ZNF675: variants seen among roughly 807,000 people sequenced by gnomAD.
ZNF675 encodes zinc finger protein 675, also known as TRAF6 inhibitory zinc finger.
In ZNF675, 36 loss-of-function variants were observed where a neutral mutation model predicts 56.1. The observed-to-expected ratio is 0.64, with a 90% confidence interval of 0.49 to 0.85. The LOEUF is 0.85. Ranked by LOEUF, ZNF675 falls within the 40% of genes least tolerant of loss-of-function variation. The probability of loss-of-function intolerance (pLI) is 0.00; values close to 1 mark genes in which losing one functional copy is unlikely to be tolerated. For missense variants in ZNF675, 663 were observed against 654.2 expected, an observed-to-expected ratio of 1.01 and a Z score of -0.15; for synonymous variants, 200 against 218.9, an observed-to-expected ratio of 0.91 and a Z score of 0.76.
intron 1 of ZNF675, among the ~76,000 whole-genome samples, chr19:23,678,502 C>A (rs558822748): frequency 4.1e-5 from 6 of 147,656 alleles, no homozygotes; most frequent in Admixed American, 3.3e-4. Flanking sequence ...CCACCCACCT[C>A]GGCCTCCCAA....
intron 1 of ZNF675, among the ~76,000 whole-genome samples, chr19:23,674,370 A>G (rs1454337085): frequency 1.3e-5 from 2 of 151,588 alleles, no homozygotes; most frequent in Admixed American, 6.6e-5. Flanking sequence ...GGCAGGCCAC[A>G]GGGGCTCAAC....
At chr19:23,674,381 G>A (rs1478191805) in intron 1 of ZNF675, among the ~76,000 whole-genome samples, 3 of 151,598 alleles carry the variant, frequency 2.0e-5, no homozygotes, top group Non-Finnish European at 2.9e-5. Context: ...GGGGCTCAAC[G>A]CCTGTAATCC....
rs892194192 is a variant in ZNF675 at position 23,682,010 on chromosome 19, T to C, written c.3+5021A>G. Among the ~76,000 whole-genome samples, 3 of 24,590 alleles carry C rather than the reference T, an allele frequency of 1.2e-4. 1 individual carries two copies. The highest frequency in any genetic ancestry group is 2.8e-4 in the African/African-American group (3 of 10,554). The allele number at this position is 24,590 out of a possible 152,430, so 16.1% of individuals were successfully genotyped here. ...AAAAGAAATACCCTCTTATTATGAC[T>C]TAGATGGTGCTCTCTCTTTTCTCAC... On this transcript the variant is annotated intron_variant, in intron 1 of 3. Transcript: ENST00000359788.
intron 1 of ZNF675, among the ~76,000 whole-genome samples, chr19:23,665,998 C>G (rs1483350890): frequency 1.3e-5 from 2 of 152,168 alleles, no homozygotes; most frequent in East Asian, 1.9e-4. Context: ...AAACAGAAGG[C>G]AGCAACATCT....
intron 1 of ZNF675, among the ~76,000 whole-genome samples, chr19:23,681,747 GA>G (rs1968379096): frequency 6.6e-6 from 1 of 151,598 alleles, no homozygotes; most frequent in African/African-American, 2.4e-5. Context: ...AATAACTGGG[GA>G]CTCCCAGAAC....
intron 1 of ZNF675, among the ~76,000 whole-genome samples, chr19:23,684,434 C>A (rs190317636): frequency 6.6e-6 from 1 of 151,840 alleles, no homozygotes; most frequent in Non-Finnish European, 1.5e-5. Context: ...CACCTGAGGT[C>A]GGGAGTTTGA....
intron 1 of ZNF675, among the ~76,000 whole-genome samples, chr19:23,682,984 T>A (rs1181983783): frequency 6.6e-6 from 1 of 151,024 alleles, no homozygotes; most frequent in Non-Finnish European, 1.5e-5. Context: ...AAGTCAGGAG[T>A]TCGAGCCTAG....
At position 23,653,314 on chromosome 19, in the gene ZNF675, C is replaced by A; in HGVS notation, c.1619G>T (p.Arg540Ile). Reference sequence around the variant, plus strand: ...AGATTGGTTAAAAGCTTTGTCACATCTCTCACATTTATAGGGTTTCTCTCC... The same window carrying A: ...AGATTGGTTAAAAGCTTTGTCACATATCTCACATTTATAGGGTTTCTCTCC... ...HTGEKPYKCE[R>I]CDKAFNQSAN... Residue 540 changes from arginine to isoleucine, a missense_variant, in exon 4 of 4, where the codon AGA becomes ATA. Physicochemically the swap from Arg to Ile is moderately conservative, Grantham distance 97 (BLOSUM62 -3). Coordinates refer to ENST00000359788, the MANE Select transcript of ZNF675 (RefSeq NM_138330.3). 6.2e-7 allele frequency: 1 copy of A among 1,613,518 alleles called. No homozygotes were observed. The highest frequency in any genetic ancestry group is 8.5e-7 in the Non-Finnish European group (1 of 1,179,818).
At chr19:23,681,038 G>A (rs1426473091) in intron 1 of ZNF675, among the ~76,000 whole-genome samples, 5 of 151,724 alleles carry the variant, frequency 3.3e-5, no homozygotes, top group Admixed American at 3.3e-4. Context: ...GGAGGAGAGT[G>A]CAATGTAAGT....
chr19:23,672,953 G>A (rs1332843593), intron 1 of ZNF675, among the ~76,000 whole-genome samples: 1 of 152,092 alleles, frequency 6.6e-6, no homozygotes, highest in African/African-American at 2.4e-5. Context: ...ATTATTGACT[G>A]GATGTACATC....
At chr19:23,672,323 G>A (rs1291991480) in intron 1 of ZNF675, among the ~76,000 whole-genome samples, 1 of 150,980 alleles carries the variant, frequency 6.6e-6, no homozygotes, top group African/African-American at 2.4e-5. Context: ...TGGATACCTT[G>A]TAAGTCTTAA....
chr19:23,669,874 AAC>A (rs1203098865), intron 1 of ZNF675, among the ~76,000 whole-genome samples: 1 of 151,804 alleles, frequency 6.6e-6, no homozygotes, highest in Non-Finnish European at 1.5e-5. Context: ...AAAAAAAAAA[AAC>A]AACACCTCAT....
chr19:23,657,070 G>A (rs1967995362), intron 3 of ZNF675: 1 of 152,094 alleles, frequency 6.6e-6, no homozygotes, highest in Non-Finnish European at 1.5e-5. Flanking sequence ...AAAAAGCTGG[G>A]ACCACAGGTG....
intron 1 of ZNF675, among the ~76,000 whole-genome samples, chr19:23,668,383 G>A (rs1029292013): frequency 8.5e-5 from 13 of 152,252 alleles, no homozygotes; most frequent in Admixed American, 4.6e-4. Context: ...CTAGACACAG[G>A]GTGCTGATTG....
At chr19:23,664,144 G>A (rs1223922951) in intron 1 of ZNF675, among the ~76,000 whole-genome samples, 2 of 152,102 alleles carry the variant, frequency 1.3e-5, no homozygotes, top group Admixed American at 6.5e-5. Flanking sequence ...AGTACTAAAC[G>A]CATGGCATTC....
intron 3 of ZNF675, chr19:23,656,324 C>G (rs1055400479): frequency 2.6e-5 from 4 of 152,122 alleles, no homozygotes; most frequent in African/African-American, 4.8e-5. Context: ...AATGCATTAG[C>G]AGTGGCTCAT....
At chr19:23,673,774 T>C (rs7245879) in intron 1 of ZNF675, among the ~76,000 whole-genome samples, 150,410 of 152,274 alleles carry the variant, frequency 0.99, 74,303 homozygotes, top group Middle Eastern at 1. Context: ...GCCACCATGG[T>C]GCATGTATAC....
chr19:23,666,422 C>T (rs1419698678), intron 1 of ZNF675, among the ~76,000 whole-genome samples: 2 of 152,216 alleles, frequency 1.3e-5, no homozygotes. Context: ...GCCACCACTT[C>T]ATTTACATGA....
chr19:23,674,981 A>AG (rs1441932690), intron 1 of ZNF675, among the ~76,000 whole-genome samples: 571 of 55,426 alleles, frequency 0.01, 19 homozygotes, highest in African/African-American at 0.031. Flanking sequence ...CAAAAAAAAA[A>AG]AAAAGAGAGA....
Sources: allele counts gnomAD v4.1 joint callset (sites outside exome capture counted in the v4.1 genomes callset), GRCh38; gene constraint gnomAD v4.1.1; transcripts MANE v1.5; gene names NCBI Gene and HGNC (gene_info 2026-07-23, HGNC 2026-07-21).